The following TEX36 variants were observed in gnomAD, a reference collection of about 807,000 sequenced individuals.
TEX36 encodes testis-expressed protein 36.
TEX36 carries 12 observed loss-of-function variants against 13.6 expected under a neutral mutation model. The ratio of observed to expected loss-of-function variants is 0.88; its 90% CI spans 0.56 to 1.43. The LOEUF is 1.43. Among genes scored for constraint, TEX36 ranks in the 40% most tolerant of loss-of-function variants. The pLI is 0.00. For synonymous variants in TEX36, 93 were observed against 83.0 expected (o/e 1.12, Z -0.65); for missense variants, 224 against 228.3 (o/e 0.98, Z 0.12).
intron 1 of TEX36, among the ~76,000 whole-genome samples, chr10:125,677,888 G>A (rs1158613507): frequency 1.3e-5 from 2 of 152,026 alleles, no homozygotes; most frequent in East Asian, 3.9e-4. Flanking sequence ...CACCATGTTG[G>A]CCAGGCTGGT....
At position 125,639,476 on chromosome 10, in the gene TEX36, T is replaced by TAA. The variant is rs11374821; in HGVS notation, c.265-17833_265-17832dup. ...ACTTAACACAGAGTTAGGGCTGTGATAAAAAAAAATTGTCACCGAATGATG... is the reference window on the plus strand; with the variant it reads ...ACTTAACACAGAGTTAGGGCTGTGATAAAAAAAAAAATTGTCACCGAATGATG... On this transcript the variant is annotated intron_variant, in intron 3 of 3. Coordinates refer to the TEX36 transcript ENST00000526819. Among the ~76,000 whole-genome samples, 10 of 151,028 alleles carry TAA rather than the reference T, an allele frequency of 6.6e-5. No individual in the cohort carries two copies. The East Asian group carries it at 1.4e-3, about 21-fold the overall frequency.
At chr10:125,613,839 C>A (rs1414734492) in intron 3 of TEX36, among the ~76,000 whole-genome samples, 1 of 152,126 alleles carries the variant, frequency 6.6e-6, no homozygotes, top group African/African-American at 2.4e-5. Context: ...AGTTCTAGAT[C>A]CCTGAGGAAT....
intron 3 of TEX36, among the ~76,000 whole-genome samples, chr10:125,630,669 C>T (rs1846541329): frequency 6.6e-6 from 1 of 152,104 alleles, no homozygotes; most frequent in African/African-American, 2.4e-5. Context: ...AGGCTGACTG[C>T]CATGCATGTC....
At chr10:125,591,303 C>A (rs1846018815) in intron 3 of TEX36, among the ~76,000 whole-genome samples, 1 of 152,200 alleles carries the variant, frequency 6.6e-6, no homozygotes, top group African/African-American at 2.4e-5. Flanking sequence ...CAACTATCAA[C>A]AGGAGGGAAG....
chr10:125,668,919 GA>G (rs1269990496), intron 1 of TEX36, among the ~76,000 whole-genome samples: 1 of 152,164 alleles, frequency 6.6e-6, no homozygotes, highest in Non-Finnish European at 1.5e-5. Flanking sequence ...AGCACTTTGG[GA>G]GGCTGAGGCA....
At chr10:125,627,356 T>C (rs1474079905) in intron 3 of TEX36, among the ~76,000 whole-genome samples, 2 of 152,180 alleles carry the variant, frequency 1.3e-5, no homozygotes, top group African/African-American at 4.8e-5. Context: ...CACCCTATAA[T>C]CTAAAGACAA....
chr10:125,670,145 G>C (rs1266003916), intron 1 of TEX36, among the ~76,000 whole-genome samples: 1 of 152,144 alleles, frequency 6.6e-6, no homozygotes, highest in African/African-American at 2.4e-5. Flanking sequence ...GGTATTTCTG[G>C]TTCTAAGTCT....
At chr10:125,669,758 C>G (rs897957828) in intron 1 of TEX36, among the ~76,000 whole-genome samples, 1 of 152,184 alleles carries the variant, frequency 6.6e-6, no homozygotes, top group African/African-American at 2.4e-5. Flanking sequence ...TCCCACACCC[C>G]CCGTAACAGG....
chr10:125,595,317 A>C (rs1016148855), intron 3 of TEX36, among the ~76,000 whole-genome samples: 9 of 152,144 alleles, frequency 5.9e-5, no homozygotes, highest in Non-Finnish European at 1.2e-4. Flanking sequence ...AATATTAATA[A>C]ATGAAAAGTT....
At chr10:125,602,782 T>C (rs546495339) in intron 3 of TEX36, among the ~76,000 whole-genome samples, 2 of 152,386 alleles carry the variant, frequency 1.3e-5, no homozygotes, top group African/African-American at 4.8e-5. Context: ...TATGTGTTTA[T>C]ATTTCTATGC....
At chr10:125,602,929 A>G (rs759456482) in intron 3 of TEX36, among the ~76,000 whole-genome samples, 2 of 152,118 alleles carry the variant, frequency 1.3e-5, no homozygotes, top group African/African-American at 2.4e-5. Context: ...ACACCTGGAG[A>G]TTTCCATGGG....
chr10:125,647,574 C>T (rs932805818), intron 3 of TEX36, among the ~76,000 whole-genome samples: 2 of 152,200 alleles, frequency 1.3e-5, no homozygotes, highest in African/African-American at 4.8e-5. Flanking sequence ...CGAATAGGAA[C>T]AGCTCCAGTC....
At chr10:125,639,541 T>G (rs939584211) in intron 3 of TEX36, among the ~76,000 whole-genome samples, 1 of 150,810 alleles carries the variant, frequency 6.6e-6, no homozygotes, top group Non-Finnish European at 1.5e-5. Context: ...TTACATTGTG[T>G]TCATACCAAT....
intron 1 of TEX36, among the ~76,000 whole-genome samples, chr10:125,681,564 T>C (rs1275702454): frequency 6.6e-6 from 1 of 152,224 alleles, no homozygotes; most frequent in African/African-American, 2.4e-5. Context: ...ATATACCTAA[T>C]ATTATGTCTA....
At chr10:125,622,766 T>TCA (rs1314680169) in intron 3 of TEX36, among the ~76,000 whole-genome samples, 1 of 152,218 alleles carries the variant, frequency 6.6e-6, no homozygotes, top group Non-Finnish European at 1.5e-5. Context: ...CGAGGAGTAG[T>TCA]AGTCGATTTC....
intron 3 of TEX36, among the ~76,000 whole-genome samples, chr10:125,581,210 T>C (rs961835943): frequency 6.6e-6 from 1 of 152,140 alleles, no homozygotes; most frequent in Non-Finnish European, 1.5e-5. Flanking sequence ...ACAGGGAGAT[T>C]AGGTTCCCAG....
chr10:125,582,179 G>T (rs1191870690), intron 3 of TEX36, among the ~76,000 whole-genome samples: 2 of 152,224 alleles, frequency 1.3e-5, no homozygotes, highest in Non-Finnish European at 2.9e-5. Flanking sequence ...GTGGGGTGGA[G>T]TGGTGCCCTC....
At position 125,594,751 on chromosome 10, in the gene TEX36, GA is replaced by G. The variant is rs1268558516; in HGVS notation, c.265-17878del. On this transcript the variant is annotated intron_variant, in intron 3 of 3. Transcript: ENST00000532135. ...AGGGAAAGTCACAACATATGTTTGG[GA>G]AAAAAAGGTTAAAATTGATAAAAAC... is the stretch of plus-strand genomic sequence containing the variant. 4.6e-5 allele frequency among the ~76,000 whole-genome samples: 7 copies of G among 152,064 alleles called. No homozygotes were observed. In the South Asian group the frequency reaches 6.2e-4, roughly 14 times the overall value.
intron 1 of TEX36, among the ~76,000 whole-genome samples, chr10:125,679,396 A>G (rs1847361546): frequency 6.6e-6 from 1 of 152,148 alleles, no homozygotes; most frequent in African/African-American, 2.4e-5. Flanking sequence ...GTCAAAAGAT[A>G]GATTTGAAAA....
Sources: gnomAD v4.1 joint callset for allele counts (sites outside exome capture counted in the v4.1 genomes callset) on GRCh38, gnomAD v4.1.1 for gene constraint, MANE v1.5 for transcripts, NCBI Gene and HGNC (gene_info 2026-07-23, HGNC 2026-07-21) for gene names.